CFAP276: variants seen among roughly 807,000 people sequenced by gnomAD.
CFAP276 encodes the protein cilia and flagella associated protein 276.
the CFAP276 span, chr1:109,108,027 T>TTTTTTTTTTTTTTTTTTTTTTC: frequency 3.2e-5 from 52 of 1,600,496 alleles, no homozygotes; most frequent in Non-Finnish European, 4.0e-5. Context: ...TGGGTTCTTA[T>TTTTTTTTTTTTTTTTTTTTTTC]ATGGCAATTT....
chr1:109,110,213 C>T, the CFAP276 span, among the ~76,000 whole-genome samples: 2 of 152,296 alleles, frequency 1.3e-5, no homozygotes, highest in Non-Finnish European at 2.9e-5. Context: ...CTCTTCTGAC[C>T]CCAGCCTCAC....
chr1:109,113,429 A>G, the CFAP276 span, among the ~76,000 whole-genome samples: 28 of 101,428 alleles, frequency 2.8e-4, no homozygotes, highest in African/African-American at 9.2e-4. Context: ...AGAGAGAGAG[A>G]GAGAGAGAGA....
At chr1:109,112,727 G>A in the CFAP276 span, 4 of 1,544,906 alleles carry the variant, frequency 2.6e-6, no homozygotes, top group African/African-American at 4.1e-5. Context: ...CCGCTCAGCC[G>A]CAGCACAGCC....
At chr1:109,106,717 G>A in the CFAP276 span, 7 of 1,567,240 alleles carry the variant, frequency 4.5e-6, no homozygotes, top group South Asian at 1.2e-5. Context: ...GAAAGGTGAG[G>A]AAGGCAAGGT....
At chr1:109,112,756 G>A in the CFAP276 span, 7 of 1,529,330 alleles carry the variant, frequency 4.6e-6, no homozygotes, top group African/African-American at 2.8e-5. Context: ...ATAAGATCCC[G>A]GGTCCCAATT....
the CFAP276 span, among the ~76,000 whole-genome samples, chr1:109,110,197 T>C: frequency 2.0e-5 from 3 of 152,210 alleles, no homozygotes; most frequent in Non-Finnish European, 1.5e-5. Context: ...CCATTCTGCA[T>C]ACGCTCTCTT....
the CFAP276 span, chr1:109,106,664 A>G: frequency 3.7e-6 from 6 of 1,613,686 alleles, no homozygotes; most frequent in Non-Finnish European, 5.1e-6. Context: ...TTGGTTCTAG[A>G]AGAAGGCATA....
the CFAP276 span, chr1:109,108,020 G>GTTATTTTTTTTTTTTTTTTTTTTTT: frequency 6.2e-6 from 10 of 1,605,086 alleles, no homozygotes; most frequent in Non-Finnish European, 7.7e-6. Flanking sequence ...GGTGTGTTGG[G>GTTATTTTTTTTTTTTTTTTTTTTTT]TTCTTATATG....
the CFAP276 span, among the ~76,000 whole-genome samples, chr1:109,109,902 T>C: frequency 1.3e-5 from 2 of 152,094 alleles, no homozygotes; most frequent in African/African-American, 4.8e-5. Context: ...GAATGAAGTA[T>C]GAAAGAAAGA....
the CFAP276 span, among the ~76,000 whole-genome samples, chr1:109,107,417 TAGAG>T: frequency 6.6e-6 from 1 of 152,284 alleles, no homozygotes; most frequent in South Asian, 2.1e-4. Flanking sequence ...TTGTTTTAGT[TAGAG>T]AATGAGAAGG....
chr1:109,109,414 C>G, the CFAP276 span, among the ~76,000 whole-genome samples: 1 of 150,886 alleles, frequency 6.6e-6, no homozygotes, highest in Non-Finnish European at 1.5e-5. Context: ...CGCCACTGCA[C>G]TCCAGCCTGG....
At chr1:109,109,984 C>T in the CFAP276 span, among the ~76,000 whole-genome samples, 1 of 152,182 alleles carries the variant, frequency 6.6e-6, no homozygotes, top group Non-Finnish European at 1.5e-5. Context: ...ACTCCTCCCA[C>T]TCTCCTTGAA....
At chr1:109,109,074 C>G in the CFAP276 span, among the ~76,000 whole-genome samples, 1 of 152,176 alleles carries the variant, frequency 6.6e-6, no homozygotes, top group Non-Finnish European at 1.5e-5. Context: ...GTTCCTAGCA[C>G]ACTACCTAAC....
At chr1:109,113,503 G>A in the CFAP276 span, 5 of 829,562 alleles carry the variant, frequency 6.0e-6, no homozygotes, top group Non-Finnish European at 9.2e-6. Flanking sequence ...TGCGGCTAAG[G>A]CAAACTCCTC....
chr1:109,107,725 C>CA, the CFAP276 span, among the ~76,000 whole-genome samples: 55 of 143,546 alleles, frequency 3.8e-4, no homozygotes, highest in Non-Finnish European at 5.2e-4. Context: ...CTCATCTCTT[C>CA]AAAAAAAAAA....
the CFAP276 span, chr1:109,106,631 A>G: frequency 6.2e-7 from 1 of 1,613,958 alleles, no homozygotes; most frequent in Non-Finnish European, 8.5e-7. Flanking sequence ...GGAGGGGTTA[A>G]AAATTCTCCA....
At chr1:109,113,416 A>AGAGAGAGGAGAGAGAG in the CFAP276 span, among the ~76,000 whole-genome samples, 2 of 68,080 alleles carry the variant, frequency 2.9e-5, no homozygotes, top group Non-Finnish European at 5.2e-5. Flanking sequence ...GAGAGAGAGA[A>AGAGAGAGGAGAGAGAG]AGAGAGAGAG....
chr1:109,113,602 A>G, the CFAP276 span: 5 of 1,612,012 alleles, frequency 3.1e-6, no homozygotes, highest in Non-Finnish European at 4.2e-6. Context: ...TAAGATCTCC[A>G]GGAGTGGCCT....
At chr1:109,106,697 A>G in the CFAP276 span, 5 of 1,602,526 alleles carry the variant, frequency 3.1e-6, no homozygotes, top group Non-Finnish European at 4.3e-6. Flanking sequence ...GGAGAGTGAA[A>G]TCAATCAGAG....
Sources: allele counts gnomAD v4.1 joint callset (sites outside exome capture counted in the v4.1 genomes callset), GRCh38; gene constraint gnomAD v4.1.1; transcripts MANE v1.5; gene names NCBI Gene and HGNC (gene_info 2026-07-23, HGNC 2026-07-21).